HMCN1: variants seen among roughly 807,000 people sequenced by gnomAD.
The protein encoded by HMCN1 is hemicentin-1.
HMCN1 carries 321 observed loss-of-function variants against 625.9 expected under a neutral mutation model. The observed-to-expected ratio is 0.51, with a 90% confidence interval of 0.47 to 0.56. HMCN1 has a LOEUF of 0.56. Among genes scored for constraint, HMCN1 ranks in the 20% least tolerant of loss-of-function variants. HMCN1 has a pLI of 0.00. For missense variants in HMCN1, 6,588 were observed against 6,887.3 expected, an observed-to-expected ratio of 0.96 and a Z score of 1.54; for synonymous variants, 2,425 against 2,417.6, an observed-to-expected ratio of 1.00 and a Z score of -0.09.
intron 1 of HMCN1, among the ~76,000 whole-genome samples, chr1:185,779,425 C>A (rs538157217): frequency 9.2e-5 from 14 of 152,288 alleles, no homozygotes; most frequent in Non-Finnish European, 1.3e-4. Flanking sequence ...CTTGCCCACG[C>A]CTATGTCCTG....
intron 11 of HMCN1, among the ~76,000 whole-genome samples, chr1:185,950,616 G>A (rs1434905559): frequency 6.6e-6 from 1 of 151,818 alleles, no homozygotes; most frequent in African/African-American, 2.4e-5. Flanking sequence ...AACAGATGAG[G>A]AAGAAATTTG....
At chr1:185,784,987 C>T (rs973238277) in intron 1 of HMCN1, among the ~76,000 whole-genome samples, 2 of 152,290 alleles carry the variant, frequency 1.3e-5, no homozygotes, top group African/African-American at 4.8e-5. Flanking sequence ...ACTTTTTTCA[C>T]TCACTTCAAT....
intron 86 of HMCN1, among the ~76,000 whole-genome samples, chr1:186,134,699 C>T (rs553001062): frequency 4.6e-5 from 7 of 152,188 alleles, no homozygotes; most frequent in Admixed American, 3.3e-4. Context: ...CTATTTTTGT[C>T]TTATTTGTAT....
At chr1:185,876,827 A>G (rs933676476) in intron 4 of HMCN1, among the ~76,000 whole-genome samples, 7 of 152,048 alleles carry the variant, frequency 4.6e-5, no homozygotes, top group Middle Eastern at 3.4e-3. Flanking sequence ...TGTCAGATGT[A>G]AAATTTACAA....
At chr1:185,917,177 T>TA (rs1666753827) in intron 6 of HMCN1, among the ~76,000 whole-genome samples, 1 of 152,022 alleles carries the variant, frequency 6.6e-6, no homozygotes, top group South Asian at 2.1e-4. Flanking sequence ...TGCCAAAAAT[T>TA]AGGGTTTTTT....
intron 1 of HMCN1, among the ~76,000 whole-genome samples, chr1:185,775,010 C>T (rs772909263): frequency 4.6e-5 from 7 of 151,062 alleles, no homozygotes; most frequent in Admixed American, 6.6e-5. Context: ...CACTAATTCA[C>T]ACCATTTTGA....
At chr1:186,149,122 A>G (rs948314558) in intron 93 of HMCN1, among the ~76,000 whole-genome samples, 9 of 152,180 alleles carry the variant, frequency 5.9e-5, no homozygotes, top group Admixed American at 2.6e-4. Flanking sequence ...ATTGACCTCA[A>G]CTTAAAGTCA....
intron 24 of HMCN1, among the ~76,000 whole-genome samples, chr1:185,996,723 G>A (rs1490979547): frequency 6.6e-6 from 1 of 152,076 alleles, no homozygotes; most frequent in African/African-American, 2.4e-5. Context: ...GGGACATGGT[G>A]ACGGATTGGA....
chr1:186,130,488 G>C lies in HMCN1; in HGVS notation c.13040-19G>C, dbSNP rs1320168238. ...CAGCACTTACTTTTACTTTGTACCT[G>C]TCTTATGTTGTTTTCCAGAACCTCC... On this transcript the variant is annotated intron_variant, in intron 84 of 106. Transcript: ENST00000271588. The C allele has an allele frequency of 5.0e-6, 8 of 1,608,078 alleles. No individual in the cohort carries two copies. The highest frequency in any genetic ancestry group is 6.8e-6 in the Non-Finnish European group (8 of 1,174,886).
chr1:186,086,281 C>G lies in HMCN1; in HGVS notation c.8920C>G (p.Leu2974Val), dbSNP rs1659468375. 6.2e-7 allele frequency: 1 copy of G among 1,613,048 alleles called. No homozygotes were observed. Among genetic ancestry groups the G allele is most frequent in the South Asian group, 1.1e-5 (1 of 91,068 alleles). The change falls in exon 58 of 107, where the codon CTT becomes GTT. Residue 2974 changes from leucine (L) to valine (V), a missense_variant. Transcript: ENST00000271588. ...TGTCATTGGTCCTAAATCTGAAAAT[C>G]TTACCGTCGTGGTGAACAATTTCAT... Reference protein sequence around the residue: ...PSVIGPKSENLTVVVNNFISL... With the variant: ...PSVIGPKSENVTVVVNNFISL...
At chr1:185,826,802 G>A (rs779413468) in intron 1 of HMCN1, among the ~76,000 whole-genome samples, 2 of 152,102 alleles carry the variant, frequency 1.3e-5, no homozygotes, top group Non-Finnish European at 2.9e-5. Flanking sequence ...ATTGCCCTTA[G>A]CCTGGAATAT....
At chr1:186,045,954 T>C (rs1162656999) in intron 41 of HMCN1, 91 bp downstream of exon 41, 13 of 902,770 alleles carry the variant, frequency 1.4e-5, no homozygotes, top group Non-Finnish European at 2.3e-5. Context: ...CTTTTATAAG[T>C]GTTGGACTAA....
At position 186,152,714 on chromosome 1, in the gene HMCN1, T is replaced by A. The variant is rs1226309783; in HGVS notation, c.14897-36T>A. 6 of 1,612,886 alleles carry A rather than the reference T, an allele frequency of 3.7e-6. No homozygotes were observed. In the East Asian group the frequency reaches 1.1e-4, roughly 30 times the overall value. The stretch of plus-strand genomic sequence containing the variant: ...GCTCTGTGCTTACAGAAACCATATT[T>A]TTTTGCTGTCAAAATGAATGTCTTG... On this transcript the variant is annotated intron_variant, in intron 95 of 106. Coordinates refer to ENST00000271588, the MANE Select transcript of HMCN1 (RefSeq NM_031935.3).
At chr1:185,880,454 T>C (rs986416170) in intron 4 of HMCN1, among the ~76,000 whole-genome samples, 13 of 152,224 alleles carry the variant, frequency 8.5e-5, no homozygotes, top group Admixed American at 3.9e-4. Context: ...CTTTTTCCTC[T>C]GATACTTTGA....
Position 186,138,056 on chromosome 1 carries a change from T to G in HMCN1, c.13924+84T>G, listed in dbSNP as rs551185337. Reference sequence around the variant, plus strand: ...AAGAATTACATTTGCCTTTTCTTCTTCATTGTAAAAAGATGTTATGGCCTC... The same window carrying G: ...AAGAATTACATTTGCCTTTTCTTCTGCATTGTAAAAAGATGTTATGGCCTC... On this transcript the variant is annotated intron_variant, in intron 89 of 106. Transcript: ENST00000271588. 73 of 1,452,644 alleles carry G rather than the reference T, an allele frequency of 5.0e-5. No homozygotes were observed. The East Asian group carries it at 1.3e-3, about 26-fold the overall frequency. 90.0% of individuals were successfully genotyped at this position (1,452,644 alleles called of 1,614,324 possible).
chr1:186,172,974 T>TA (rs1652327003), intron 102 of HMCN1, among the ~76,000 whole-genome samples: 1 of 152,236 alleles, frequency 6.6e-6, no homozygotes, highest in African/African-American at 2.4e-5. Flanking sequence ...GTTGGGATGT[T>TA]ACTAGATGGA....
chr1:185,775,058 A>G (rs770027030), intron 1 of HMCN1, among the ~76,000 whole-genome samples: 1 of 152,154 alleles, frequency 6.6e-6, no homozygotes, highest in Non-Finnish European at 1.5e-5. Flanking sequence ...CACTTTTCAG[A>G]TGAACAATCT....
At chr1:186,027,316 A>T (rs1002951777) in intron 36 of HMCN1, among the ~76,000 whole-genome samples, 1 of 152,226 alleles carries the variant, frequency 6.6e-6, no homozygotes. Flanking sequence ...AGACCAAACT[A>T]TGAAATTACA....
chr1:185,888,305 TA>T (rs1664808153), intron 4 of HMCN1, among the ~76,000 whole-genome samples: 1 of 136,638 alleles, frequency 7.3e-6, no homozygotes, highest in African/African-American at 3.4e-5. Context: ...AGAAGCTCTT[TA>T]GTTTAATTAG....
Sources: gnomAD v4.1 joint callset for allele counts (sites outside exome capture counted in the v4.1 genomes callset) on GRCh38, gnomAD v4.1.1 for gene constraint, MANE v1.5 for transcripts, NCBI Gene and HGNC (gene_info 2026-07-23, HGNC 2026-07-21) for gene names.